The following PSD3 variants were observed in gnomAD, a reference collection of about 807,000 sequenced individuals.
The protein encoded by PSD3 is pleckstrin and Sec7 domain containing 3.
In PSD3, 49 loss-of-function variants were observed where a neutral mutation model predicts 105.5. The ratio of observed to expected loss-of-function variants is 0.46; its 90% CI spans 0.37 to 0.59. PSD3 has a LOEUF of 0.59. Among genes scored for constraint, PSD3 ranks in the 20% least tolerant of loss-of-function variants. The probability of loss-of-function intolerance (pLI) is 0.00; values close to 1 mark genes in which losing one functional copy is unlikely to be tolerated. For missense variants in PSD3, 1,561 were observed against 1,263.8 expected (o/e 1.24, Z -3.57); for synonymous variants, 557 against 457.8 (o/e 1.22, Z -2.77).
At chr8:18,690,620 G>C (rs1319243362) in intron 9 of PSD3, among the ~76,000 whole-genome samples, 1 of 152,192 alleles carries the variant, frequency 6.6e-6, no homozygotes, top group Non-Finnish European at 1.5e-5. Flanking sequence ...CCTGACATCT[G>C]AGCCTGCACC....
At chr8:18,923,359 T>A (rs1050275206) in intron 2 of PSD3, among the ~76,000 whole-genome samples, 5 of 152,166 alleles carry the variant, frequency 3.3e-5, no homozygotes, top group African/African-American at 1.2e-4. Context: ...TTGCCAGGCA[T>A]CAGTTAATTC....
chr8:18,603,392 G>C (rs1004718842), intron 11 of PSD3, among the ~76,000 whole-genome samples: 1 of 151,928 alleles, frequency 6.6e-6, no homozygotes, highest in Non-Finnish European at 1.5e-5. Context: ...CTGTACCTCA[G>C]ATTGCTTTTT....
intron 9 of PSD3, among the ~76,000 whole-genome samples, chr8:18,701,359 T>C (rs1563182529): frequency 5.9e-5 from 9 of 152,186 alleles, no homozygotes; most frequent in Admixed American, 3.3e-4. Context: ...GTATAAATAA[T>C]TTCAAACACA....
chr8:18,586,007 G>C (rs1803159405), intron 12 of PSD3, among the ~76,000 whole-genome samples: 1 of 152,010 alleles, frequency 6.6e-6, no homozygotes, highest in Non-Finnish European at 1.5e-5. Context: ...GGGGATCTGA[G>C]GAAGCTGGGG....
intron 4 of PSD3, among the ~76,000 whole-genome samples, chr8:18,812,770 A>G (rs1450351485): frequency 6.6e-6 from 1 of 152,182 alleles, no homozygotes; most frequent in African/African-American, 2.4e-5. Context: ...TTCAGGAAAG[A>G]CACGTGCCAG....
intron 1 of PSD3, among the ~76,000 whole-genome samples, chr8:18,950,265 A>G (rs768593983): frequency 9.2e-5 from 14 of 152,258 alleles, no homozygotes; most frequent in Non-Finnish European, 1.3e-4. Flanking sequence ...TTACAGAAGC[A>G]TATTAAAAGT....
chr8:18,630,414 T>C (rs1019660141), intron 11 of PSD3, among the ~76,000 whole-genome samples: 2 of 151,786 alleles, frequency 1.3e-5, no homozygotes, highest in Admixed American at 6.6e-5. Flanking sequence ...AATCCTCCAA[T>C]AGAGGAGGTT....
chr8:18,929,984 A>G (rs1044310476), intron 2 of PSD3, among the ~76,000 whole-genome samples: 1 of 152,206 alleles, frequency 6.6e-6, no homozygotes, highest in Admixed American at 6.5e-5. Context: ...GTACTTTAAA[A>G]TAGGAAAGAA....
chr8:18,594,310 TTATTATATATAA>T (rs1803907088), intron 12 of PSD3, among the ~76,000 whole-genome samples: 1 of 12,000 alleles, frequency 8.3e-5, no homozygotes, highest in South Asian at 3.6e-3. Context: ...ATAATATATA[TTATTATATATAA>T]TATATATTAT....
chr8:18,599,848 C>A lies in PSD3; in HGVS notation c.2481+516G>T, dbSNP rs183056816. On this transcript the variant is annotated intron_variant, in intron 12 of 15. Coordinates refer to ENST00000327040, the MANE Select transcript of PSD3 (RefSeq NM_015310.4). ...ATCTGTTGTGTGCATGGAGGGATGA[C>A]GGTATACTATGTTTTCTCCTATACA... 3.3e-5 allele frequency among the ~76,000 whole-genome samples: 5 copies of A among 152,012 alleles called. No individual in the cohort carries two copies. In the South Asian group the frequency reaches 1.0e-3, roughly 32 times the overall value.
chr8:18,752,526 ATAATTATAT>A (rs1563225106), intron 9 of PSD3, among the ~76,000 whole-genome samples: 7 of 51,898 alleles, frequency 1.3e-4, no homozygotes, highest in African/African-American at 8.0e-4. Context: ...TGTAATATAT[ATAATTATAT>A]ATTATATATA....
chr8:18,782,631 G>A (rs558978382), intron 8 of PSD3, among the ~76,000 whole-genome samples: 28 of 152,332 alleles, frequency 1.8e-4, no homozygotes, highest in African/African-American at 5.5e-4. Context: ...TCAGGAGGAC[G>A]AATCCTTGGT....
chr8:19,017,157 A>G (rs755861776), upstream of PSD3, among the ~76,000 whole-genome samples: 21 of 150,640 alleles, frequency 1.4e-4, no homozygotes, highest in Middle Eastern at 6.8e-3. Flanking sequence ...GACTCAAGTA[A>G]TCCTCCCACC....
chr8:18,741,177 C>G (rs1804541276), intron 9 of PSD3, among the ~76,000 whole-genome samples: 1 of 152,174 alleles, frequency 6.6e-6, no homozygotes, highest in African/African-American at 2.4e-5. Context: ...AGGACACTTA[C>G]AGGTACGAGT....
chr8:18,838,318 TG>T, intron 4 of PSD3, among the ~76,000 whole-genome samples: 1 of 152,198 alleles, frequency 6.6e-6, no homozygotes, highest in Non-Finnish European at 1.5e-5. Flanking sequence ...TCACCATGCT[TG>T]GAAAGTGAAC....
chr8:19,042,461 A>G (rs1828157317), intron 1 of PSD3, among the ~76,000 whole-genome samples: 1 of 152,226 alleles, frequency 6.6e-6, no homozygotes. Context: ...AATGATATGT[A>G]ACAGAAGAAC....
intron 4 of PSD3, among the ~76,000 whole-genome samples, chr8:18,844,329 A>G (rs1814903690): frequency 6.6e-6 from 1 of 152,126 alleles, no homozygotes; most frequent in Non-Finnish European, 1.5e-5. Flanking sequence ...TCCCTGTTGT[A>G]TTTCATTAAT....
intron 14 of PSD3, among the ~76,000 whole-genome samples, chr8:18,564,341 G>C (rs1246123147): frequency 6.6e-6 from 1 of 152,064 alleles, no homozygotes; most frequent in Non-Finnish European, 1.5e-5. Flanking sequence ...GAATATGAAA[G>C]ACATTGGCCA....
chr8:18,836,861 T>C (rs1046445093), intron 4 of PSD3, among the ~76,000 whole-genome samples: 22 of 152,240 alleles, frequency 1.4e-4, no homozygotes, highest in Middle Eastern at 3.4e-3. Flanking sequence ...CCCAATATTT[T>C]TGATCCACAG....
Sources: gnomAD v4.1 joint callset for allele counts (sites outside exome capture counted in the v4.1 genomes callset) on GRCh38, gnomAD v4.1.1 for gene constraint, MANE v1.5 for transcripts, NCBI Gene and HGNC (gene_info 2026-07-23, HGNC 2026-07-21) for gene names.